The following HAPLN1 variants were observed in gnomAD, a reference collection of about 807,000 sequenced individuals.
The protein encoded by HAPLN1 is Cartilage link protein.
In HAPLN1, 13 loss-of-function variants were observed where a neutral mutation model predicts 36.5. The ratio of observed to expected loss-of-function variants is 0.36; its 90% confidence interval spans 0.23 to 0.57. HAPLN1 has a LOEUF of 0.57. Among genes scored for constraint, HAPLN1 ranks in the 20% least tolerant of loss-of-function variants. The pLI is 0.83. For synonymous variants in HAPLN1, 202 were observed against 169.8 expected, an observed-to-expected ratio of 1.19 and a Z score of -1.48; for missense variants, 407 against 439.7, an observed-to-expected ratio of 0.93 and a Z score of 0.66.
chr5:83,649,412 A>T (rs1334514947), intron 3 of HAPLN1, among the ~76,000 whole-genome samples: 1 of 150,930 alleles, frequency 6.6e-6, no homozygotes, highest in Non-Finnish European at 1.5e-5. Flanking sequence ...AAAGGCTTAC[A>T]TTCATGGTCC....
At chr5:83,654,326 G>T (rs1750155605) in intron 2 of HAPLN1, among the ~76,000 whole-genome samples, 1 of 152,108 alleles carries the variant, frequency 6.6e-6, no homozygotes, top group Non-Finnish European at 1.5e-5. Flanking sequence ...TAGTTAAGAG[G>T]AATCACAAAT....
At position 83,667,695 on chromosome 5, in the gene HAPLN1, G is replaced by T. The variant is rs1750592323; in HGVS notation, c.100+5729C>A. On this transcript the variant is annotated intron_variant, in intron 2 of 4. Coordinates refer to ENST00000274341, the MANE Select transcript of HAPLN1 (RefSeq NM_001884.4). ...TATCCAGTTCTCCCATTAAACTTTGGCTCTATAGATGGTTTGTGATCATAC... is the reference window on the plus strand; with the variant it reads ...TATCCAGTTCTCCCATTAAACTTTGTCTCTATAGATGGTTTGTGATCATAC... Among the ~76,000 whole-genome samples the T allele has an allele frequency of 2.0e-5, 3 of 152,086 alleles. No individual in the cohort carries two copies. The South Asian group carries it at 6.2e-4, about 32-fold the overall frequency.
In HAPLN1 at chr5:83,640,587, G is replaced by C. The variant is rs1416344672; in HGVS notation, c.*909C>G. On this transcript the variant is annotated 3_prime_UTR_variant, in exon 5 of 5. Transcript: ENST00000274341. ...AATCAGTTTAAAGTTATTTTTATAG[G>C]ACAATAACATTTCATAGGCTAACAG... is the stretch of plus-strand genomic sequence containing the variant. 6.6e-6 allele frequency: 1 copy of C among 152,056 alleles called. No homozygotes were observed. Among genetic ancestry groups the C allele is most frequent in the Non-Finnish European group, 1.5e-5 (1 of 67,992 alleles). 9.4% of individuals were successfully genotyped at this position (152,056 alleles called of 1,614,324 possible). A position where few individuals can be genotyped will look rare whatever the true frequency, so the allele number is the denominator to read the frequency against.
intron 2 of HAPLN1, among the ~76,000 whole-genome samples, chr5:83,655,504 T>C (rs1262615178): frequency 6.9e-6 from 1 of 144,352 alleles, no homozygotes; most frequent in African/African-American, 2.6e-5. Context: ...TCTACCATTC[T>C]CATTCACTTT....
intron 1 of HAPLN1, among the ~76,000 whole-genome samples, chr5:83,693,573 A>G (rs1402112330): frequency 2.2e-5 from 3 of 137,984 alleles, no homozygotes; most frequent in Admixed American, 7.2e-5. Context: ...GAACCACTAT[A>G]TGTTTTTTAA....
intron 1 of HAPLN1, among the ~76,000 whole-genome samples, chr5:83,691,394 C>T (rs1751269371): frequency 6.6e-6 from 1 of 151,956 alleles, no homozygotes; most frequent in Admixed American, 6.6e-5. Context: ...AAAAAATGAT[C>T]CTAAAGGATT....
Position 83,647,846 on chromosome 5 carries a change from G to A in HAPLN1, c.473-3181C>T, listed in dbSNP as rs368809422. Among the ~76,000 whole-genome samples, 72 of 152,220 alleles carry A rather than the reference G, an allele frequency of 4.7e-4. No homozygotes were observed. In the South Asian group the frequency reaches 0.013, roughly 29 times the overall value. On this transcript the variant is annotated intron_variant, in intron 3 of 4. Transcript: ENST00000274341. ...GTCATAAAAAGGCAGCGACCATGTA[G>A]CATAAATAATATTACCTTCCTTAGT...
chr5:83,684,259 T>C (rs1450482697), intron 1 of HAPLN1, among the ~76,000 whole-genome samples: 1 of 152,106 alleles, frequency 6.6e-6, no homozygotes, highest in Non-Finnish European at 1.5e-5. Flanking sequence ...GAAGCTGTCA[T>C]TCAAACAATT....
intron 1 of HAPLN1, among the ~76,000 whole-genome samples, chr5:83,682,118 A>T (rs544975353): frequency 3.3e-5 from 5 of 152,222 alleles, no homozygotes; most frequent in Admixed American, 1.3e-4. Context: ...AAATCTCTTT[A>T]AAAGTTCAAA....
intron 1 of HAPLN1, among the ~76,000 whole-genome samples, chr5:83,674,984 G>A (rs1221906695): frequency 3.3e-5 from 5 of 152,126 alleles, no homozygotes; most frequent in Admixed American, 3.3e-4. Context: ...CAAACAAATT[G>A]TGAAATTTAT....
intron 1 of HAPLN1, among the ~76,000 whole-genome samples, chr5:83,705,387 C>CAAAAAAAAGAAA (rs1751616255): frequency 1.2e-5 from 1 of 85,424 alleles, no homozygotes; most frequent in African/African-American, 4.8e-5. Flanking sequence ...TGAAACGTCA[C>CAAAAAAAAGAAA]AAAAAAAAAA....
intron 1 of HAPLN1, among the ~76,000 whole-genome samples, chr5:83,688,469 T>C (rs1751188846): frequency 6.6e-6 from 1 of 152,154 alleles, no homozygotes; most frequent in Admixed American, 6.6e-5. Context: ...TAAGAAGTCC[T>C]CATTCTCAGT....
intron 1 of HAPLN1, among the ~76,000 whole-genome samples, chr5:83,691,009 C>T (rs1450970104): frequency 6.6e-6 from 1 of 151,948 alleles, no homozygotes; most frequent in Non-Finnish European, 1.5e-5. Context: ...CTGTCTCAAA[C>T]AACTAAAAAG....
intron 1 of HAPLN1, among the ~76,000 whole-genome samples, chr5:83,681,751 C>G (rs1471799336): frequency 3.9e-5 from 6 of 152,056 alleles, no homozygotes; most frequent in African/African-American, 1.4e-4. Flanking sequence ...TATAGAATAA[C>G]TCTCCTCTTC....
intron 1 of HAPLN1, among the ~76,000 whole-genome samples, chr5:83,682,705 T>C (rs1410689007): frequency 6.6e-6 from 1 of 152,126 alleles, no homozygotes. Flanking sequence ...TCTACACAGC[T>C]CAAAAAAGGG....
chr5:83,688,063 T>C (rs184556381), intron 1 of HAPLN1, among the ~76,000 whole-genome samples: 2 of 152,272 alleles, frequency 1.3e-5, no homozygotes, highest in Admixed American at 1.3e-4. Context: ...AACACTCTGG[T>C]ATCCAGGACA....
At chr5:83,670,293 C>A (rs1306627407) in intron 2 of HAPLN1, among the ~76,000 whole-genome samples, 1 of 152,108 alleles carries the variant, frequency 6.6e-6, no homozygotes, top group Non-Finnish European at 1.5e-5. Context: ...AGTAAAGTAG[C>A]CACATTGTGA....
intron 2 of HAPLN1, among the ~76,000 whole-genome samples, chr5:83,653,598 C>T (rs1253423661): frequency 6.6e-6 from 1 of 152,072 alleles, no homozygotes; most frequent in East Asian, 1.9e-4. Flanking sequence ...CCTTAAATAT[C>T]CTTCTATTCT....
chr5:83,648,686 G>A (rs964916920), intron 3 of HAPLN1, among the ~76,000 whole-genome samples: 3 of 151,948 alleles, frequency 2.0e-5, no homozygotes, highest in Non-Finnish European at 4.4e-5. Context: ...TTTAAAATGA[G>A]ATGCTTCCCT....
Sources: allele counts gnomAD v4.1 joint callset (sites outside exome capture counted in the v4.1 genomes callset), GRCh38; gene constraint gnomAD v4.1.1; transcripts MANE v1.5; gene names NCBI Gene and HGNC (gene_info 2026-07-23, HGNC 2026-07-21).